The following LCORL variants were observed in gnomAD, a reference collection of about 807,000 sequenced individuals.
The protein encoded by LCORL is ligand-dependent nuclear receptor corepressor-like protein.
LCORL carries 41 observed loss-of-function variants against 141.8 expected under a neutral mutation model. The ratio of observed to expected loss-of-function variants is 0.29; its 90% CI spans 0.23 to 0.38. The LOEUF (loss-of-function observed/expected upper bound fraction) is 0.38, where lower values mean the gene tolerates loss of function less well. Ranked by LOEUF, LCORL falls within the 10% of genes least tolerant of loss-of-function variation. The probability of loss-of-function intolerance (pLI) is 1.00; values close to 1 mark genes in which losing one functional copy is unlikely to be tolerated. For missense variants in LCORL, 1,759 were observed against 2,035.0 expected, an observed-to-expected ratio of 0.86 and a Z score of 2.61; for synonymous variants, 618 against 694.1, an observed-to-expected ratio of 0.89 and a Z score of 1.72.
At chr4:17,862,465 C>T (rs550707563) in intron 7 of LCORL, among the ~76,000 whole-genome samples, 9 of 152,190 alleles carry the variant, frequency 5.9e-5, no homozygotes, top group East Asian at 1.9e-4. Context: ...TGAGTGGGGA[C>T]AAAGCCAAAC....
At chr4:18,018,380 C>G (rs1406221787) in intron 1 of LCORL, among the ~76,000 whole-genome samples, 1 of 151,984 alleles carries the variant, frequency 6.6e-6, no homozygotes, top group Non-Finnish European at 1.5e-5. Context: ...TATAGAAAAA[C>G]AGTCAAATTA....
intron 5 of LCORL, among the ~76,000 whole-genome samples, chr4:17,901,621 C>T (rs577899810): frequency 6.6e-6 from 1 of 152,188 alleles, no homozygotes; most frequent in African/African-American, 2.4e-5. Context: ...CTCAATATAG[C>T]TGTAAGTGTC....
At chr4:18,009,297 C>T (rs1344291577) in intron 1 of LCORL, among the ~76,000 whole-genome samples, 3 of 151,580 alleles carry the variant, frequency 2.0e-5, no homozygotes, top group Non-Finnish European at 2.9e-5. Flanking sequence ...TCTTCATGTA[C>T]GTAACCAATC....
intron 1 of LCORL, among the ~76,000 whole-genome samples, chr4:17,984,210 G>A (rs1054791959): frequency 6.6e-6 from 1 of 152,098 alleles, no homozygotes; most frequent in African/African-American, 2.4e-5. Flanking sequence ...GTTCTTCAAG[G>A]ATATTATCCT....
At chr4:18,003,148 G>A (rs1399556625) in intron 1 of LCORL, among the ~76,000 whole-genome samples, 1 of 152,136 alleles carries the variant, frequency 6.6e-6, no homozygotes, top group Non-Finnish European at 1.5e-5. Context: ...CCGTGCTTTT[G>A]TCGTTGGTGC....
chr4:17,879,481 T>C (rs1727284430), intron 6 of LCORL, among the ~76,000 whole-genome samples: 1 of 151,066 alleles, frequency 6.6e-6, no homozygotes, highest in Admixed American at 6.6e-5. Context: ...GAAATTAAAA[T>C]AAAACTTTTA....
chr4:17,940,465 T>A (rs936304003), intron 4 of LCORL, among the ~76,000 whole-genome samples: 6 of 148,082 alleles, frequency 4.1e-5, no homozygotes, highest in Middle Eastern at 3.6e-3. Flanking sequence ...ATATATATTA[T>A]GTAATATATG....
At chr4:17,888,700 A>T (rs1333095844) in intron 5 of LCORL, among the ~76,000 whole-genome samples, 1 of 152,118 alleles carries the variant, frequency 6.6e-6, no homozygotes, top group Non-Finnish European at 1.5e-5. Context: ...ATCTTGACTT[A>T]TTCATTTGTA....
chr4:17,951,811 T>C (rs1283567992), intron 4 of LCORL, among the ~76,000 whole-genome samples: 2 of 152,228 alleles, frequency 1.3e-5, no homozygotes, highest in African/African-American at 2.4e-5. Flanking sequence ...GCTTAGTAAA[T>C]CTTTCTTAAA....
chr4:17,853,818 G>C (rs1724045374), intron 7 of LCORL, among the ~76,000 whole-genome samples: 1 of 152,060 alleles, frequency 6.6e-6, no homozygotes, highest in Non-Finnish European at 1.5e-5. Context: ...GAACCTAGAT[G>C]AGAGAACCTT....
chr4:17,957,909 T>C (rs1483737127), intron 4 of LCORL, among the ~76,000 whole-genome samples: 2 of 152,004 alleles, frequency 1.3e-5, no homozygotes, highest in African/African-American at 4.8e-5. Flanking sequence ...GAATGAATCA[T>C]GTTAAATTTA....
chr4:18,009,664 T>A (rs1034509352), intron 1 of LCORL, among the ~76,000 whole-genome samples: 6 of 152,062 alleles, frequency 3.9e-5, no homozygotes, highest in Non-Finnish European at 8.8e-5. Flanking sequence ...CCCTGAGAGC[T>A]CATGCAGGAT....
intron 4 of LCORL, among the ~76,000 whole-genome samples, chr4:17,941,486 C>T (rs1737955769): frequency 2.0e-5 from 3 of 151,876 alleles, no homozygotes. Context: ...TGATAACCAC[C>T]ATAACCATAG....
At chr4:17,893,941 G>A (rs986817567) in intron 5 of LCORL, among the ~76,000 whole-genome samples, 1 of 152,152 alleles carries the variant, frequency 6.6e-6, no homozygotes, top group Non-Finnish European at 1.5e-5. Flanking sequence ...TGGGATCACA[G>A]GTGTGCGCCA....
At chr4:17,998,053 T>C (rs1485607839) in intron 1 of LCORL, among the ~76,000 whole-genome samples, 3 of 152,200 alleles carry the variant, frequency 2.0e-5, no homozygotes, top group Non-Finnish European at 4.4e-5. Context: ...ATACAGTCTG[T>C]ACAGAACGTT....
chr4:17,952,819 A>G (rs984966123), intron 4 of LCORL, among the ~76,000 whole-genome samples: 11 of 152,208 alleles, frequency 7.2e-5, no homozygotes, highest in Middle Eastern at 3.4e-3. Context: ...AGACCATTTC[A>G]ACACTCATGT....
At chr4:17,980,033 T>C (rs951719260) in intron 1 of LCORL, among the ~76,000 whole-genome samples, 3 of 152,192 alleles carry the variant, frequency 2.0e-5, no homozygotes, top group African/African-American at 7.2e-5. Flanking sequence ...GGAAATTTGA[T>C]TCTGGCCTAG....
intron 1 of LCORL, among the ~76,000 whole-genome samples, chr4:17,974,092 A>T (rs35549709): frequency 2.0e-5 from 3 of 152,098 alleles, no homozygotes; most frequent in African/African-American, 7.2e-5. Context: ...AGACAGATTA[A>T]GCCCAAATCC....
intron 4 of LCORL, among the ~76,000 whole-genome samples, chr4:17,924,320 G>A (rs977872859): frequency 1.3e-5 from 2 of 152,236 alleles, no homozygotes; most frequent in East Asian, 1.9e-4. Context: ...TCGCCCAATG[G>A]GCCCACGAAC....
Sources: allele counts gnomAD v4.1 joint callset (sites outside exome capture counted in the v4.1 genomes callset), GRCh38; gene constraint gnomAD v4.1.1; transcripts MANE v1.5; gene names NCBI Gene and HGNC (gene_info 2026-07-23, HGNC 2026-07-21).